Variants in LAMA1 observed in about 807,000 individuals in gnomAD.
LAMA1 encodes the protein laminin subunit alpha-1.
A neutral mutation model predicts 348.7 loss-of-function variants in LAMA1; 219 were observed. The observed-to-expected ratio is 0.63, with a 90% CI of 0.56 to 0.70. The LOEUF is 0.70. Ranked by LOEUF, LAMA1 falls within the 30% of genes least tolerant of loss-of-function variation. The pLI is 0.00. For missense variants in LAMA1, 3,744 were observed against 3,888.0 expected, an observed-to-expected ratio of 0.96 and a Z score of 0.99; for synonymous variants, 1,487 against 1,491.0, an observed-to-expected ratio of 1.00 and a Z score of 0.06.
chr18:7,006,052 T>C (rs138567400), intron 29 of LAMA1, among the ~76,000 whole-genome samples: 1 of 152,340 alleles, frequency 6.6e-6, no homozygotes, highest in East Asian at 1.9e-4. Context: ...TGCATTATTT[T>C]ACCCAAGGCG....
At chr18:7,022,887 G>T (rs190968498) in intron 19 of LAMA1, among the ~76,000 whole-genome samples, 1 of 152,134 alleles carries the variant, frequency 6.6e-6, no homozygotes, top group African/African-American at 2.4e-5. Flanking sequence ...GAGCAGAGCC[G>T]GAACTCTGTC....
chr18:7,005,486 TGCC>T (rs2057828012), intron 29 of LAMA1, among the ~76,000 whole-genome samples: 2 of 152,188 alleles, frequency 1.3e-5, no homozygotes, highest in Non-Finnish European at 2.9e-5. Context: ...TGATGGCTCA[TGCC>T]TGTAATCCCA....
intron 13 of LAMA1, among the ~76,000 whole-genome samples, chr18:7,035,624 C>A (rs774177640): frequency 4.6e-5 from 7 of 151,986 alleles, no homozygotes; most frequent in African/African-American, 9.7e-5. Context: ...ACTATGTTGC[C>A]CAGACTGGTC....
intron 1 of LAMA1, among the ~76,000 whole-genome samples, chr18:7,093,496 T>C (rs1483581093): frequency 2.6e-5 from 4 of 151,916 alleles, no homozygotes; most frequent in Admixed American, 2.0e-4. Context: ...AGAGTAAGTT[T>C]AGTAGGGATC....
At chr18:7,116,409 C>T (rs1343712517) in intron 1 of LAMA1, among the ~76,000 whole-genome samples, 1 of 152,256 alleles carries the variant, frequency 6.6e-6, no homozygotes, top group Non-Finnish European at 1.5e-5. Flanking sequence ...TCCCTCTTCC[C>T]AGCCTGGCTC....
At chr18:6,988,842 G>A (rs1273023105) in intron 36 of LAMA1, among the ~76,000 whole-genome samples, 1 of 146,504 alleles carries the variant, frequency 6.8e-6, no homozygotes, top group Non-Finnish European at 1.5e-5. Flanking sequence ...CTTTTAATAG[G>A]TCTGAGATAC....
At chr18:6,981,958 A>G (rs2057713652) in intron 41 of LAMA1, among the ~76,000 whole-genome samples, 1 of 152,220 alleles carries the variant, frequency 6.6e-6, no homozygotes, top group African/African-American at 2.4e-5. Flanking sequence ...TTGCTCTTAC[A>G]TATGCCAAGT....
rs575001814 is a variant in LAMA1, at chr18:7,084,480, T to C, written c.62-4023A>G. Among the ~76,000 whole-genome samples the C allele has an allele frequency of 2.6e-5, 4 of 152,348 alleles. No individual in the cohort carries two copies. In the South Asian group the frequency reaches 8.3e-4, roughly 32 times the overall value. On this transcript the variant is annotated intron_variant, in intron 1 of 62. Coordinates refer to ENST00000389658, the MANE Select transcript of LAMA1 (RefSeq NM_005559.4). ...AATAAATTAGTCTGCATGTTTTTTG[T>C]TGAGAAATGTTATTCACTTCAGTTA...
chr18:7,073,452 T>C (rs2058154144), intron 3 of LAMA1, among the ~76,000 whole-genome samples: 1 of 152,180 alleles, frequency 6.6e-6, no homozygotes, highest in African/African-American at 2.4e-5. Context: ...CCCGCTCCAC[T>C]TTCTGTCTCT....
Position 6,993,695 on chromosome 18 carries a change from TGAA to T in LAMA1, c.4951_4953del (p.Phe1651del). 6.2e-7 allele frequency: 1 copy of T among 1,614,124 alleles called. No individual in the cohort carries two copies. ...GCTATGGCCAGGTCTTGACTCTCCT[TGAA>T]GATTCTCTCAGTTGCCCTATTCACC... On this transcript the variant is annotated inframe_deletion, in exon 35 of 63. Coordinates refer to ENST00000389658, the MANE Select transcript of LAMA1 (RefSeq NM_005559.4).
In LAMA1 at chr18:7,037,649, T is replaced by C; in HGVS notation, c.1666A>G (p.Asn556Asp). ...GCCAGTCTCTGCATGACCGCGGTGTTGTTGATGCTGACCTGATGGCGCCCG... is the reference window on the plus strand; with the variant it reads ...GCCAGTCTCTGCATGACCGCGGTGTCGTTGATGCTGACCTGATGGCGCCCG... ...LGGRHQVSIN[N>D]TAVMQRLAPK... Residue 556 changes from asparagine (N) to aspartate (D), a missense_variant, in exon 12 of 63, where the codon AAC (asparagine) becomes GAC (aspartate). Transcript: ENST00000389658. The C allele has an allele frequency of 6.2e-7, 1 of 1,614,158 alleles. No homozygotes were observed. Among genetic ancestry groups the C allele is most frequent in the Non-Finnish European group, 8.5e-7 (1 of 1,180,028 alleles).
rs1327693739 is a variant in LAMA1 at position 6,997,893 on chromosome 18, C to A, written c.4664-9G>T. The A allele has an allele frequency of 6.2e-7, 1 of 1,613,762 alleles. No individual in the cohort carries two copies. Among genetic ancestry groups the A allele is most frequent in the South Asian group, 1.1e-5 (1 of 91,088 alleles). On this transcript the variant is annotated splice_polypyrimidine_tract_variant and intron_variant, in intron 32 of 62. Transcript: ENST00000389658. ...ACACTCATCATCACAGGCTACAAGA[C>A]AAATTTTTAAAAAGGAGAGTTAAAG...
chr18:6,964,182 C>A, intron 51 of LAMA1: 1 of 183,834 alleles, frequency 5.4e-6, no homozygotes, highest in Non-Finnish European at 1.2e-5. Flanking sequence ...TGCAGAAGGC[C>A]TGCTTTACTT....
chr18:7,013,371 C>T (rs747367423), intron 23 of LAMA1, among the ~76,000 whole-genome samples: 5 of 152,118 alleles, frequency 3.3e-5, no homozygotes, highest in East Asian at 1.9e-4. Context: ...GGAAAACTAA[C>T]GGAAACACAC....
intron 1 of LAMA1, among the ~76,000 whole-genome samples, chr18:7,088,247 C>A (rs2058225590): frequency 1.3e-5 from 2 of 152,160 alleles, no homozygotes; most frequent in Admixed American, 6.6e-5. Context: ...CTCCTCCGTC[C>A]TCCCTGCCCT....
chr18:7,112,077 TA>T (rs1218236401), intron 1 of LAMA1, among the ~76,000 whole-genome samples: 1 of 150,748 alleles, frequency 6.6e-6, no homozygotes, highest in Non-Finnish European at 1.5e-5. Flanking sequence ...ATATATTTTT[TA>T]AAATTCTCTA....
At position 7,013,935 on chromosome 18, in the gene LAMA1, G is replaced by A; in HGVS notation, c.3243C>T (p.Tyr1081=). Residue 1081 remains tyrosine, a synonymous_variant, in exon 23 of 63, where the codon TAC becomes TAT. Transcript: ENST00000389658. ...GRACDQCSLG[Y]RDFPDCVPCD... ...AGGGAACACAGTCGGGAAAGTCTCT[G>A]TAACCCAAGGAACACTGATCGCAGG... 2 of 1,613,874 alleles carry A rather than the reference G, an allele frequency of 1.2e-6. No individual in the cohort carries two copies. The highest frequency in any genetic ancestry group is 1.7e-6 in the Non-Finnish European group (2 of 1,179,844).
chr18:7,105,872 G>C (rs900502477), intron 1 of LAMA1, among the ~76,000 whole-genome samples: 1 of 152,218 alleles, frequency 6.6e-6, no homozygotes, highest in Non-Finnish European at 1.5e-5. Context: ...GACCAAGTCA[G>C]CAAAGCAAGA....
Position 6,959,470 on chromosome 18 carries a change from A to G in LAMA1, c.7649T>C (p.Ile2550Thr). 1.2e-6 allele frequency: 2 copies of G among 1,614,204 alleles called. No individual in the cohort carries two copies. The highest frequency in any genetic ancestry group is 1.7e-6 in the Non-Finnish European group (2 of 1,180,038). Residue 2550 changes from isoleucine to threonine, a missense_variant, in exon 54 of 63, where the codon ATC (isoleucine) becomes ACC (threonine). Transcript: ENST00000389658. ...AHVPFFSVML[I>T]GGNIEVHVNP... ...GACATGTACCTCAATGTTGCCTCCG[A>G]TCAGCATGACGGAAAAGAAGGGCTG...
Sources: gnomAD v4.1 joint callset for allele counts (sites outside exome capture counted in the v4.1 genomes callset) on GRCh38, gnomAD v4.1.1 for gene constraint, MANE v1.5 for transcripts, NCBI Gene and HGNC (gene_info 2026-07-23, HGNC 2026-07-21) for gene names.